Variants in XKR4 observed in about 807,000 individuals in gnomAD.
XKR4 encodes the protein XK-related protein 4.
In XKR4, 12 loss-of-function variants were observed where a neutral mutation model predicts 53.9. That is an observed-to-expected ratio of 0.22 (90% confidence interval 0.14 to 0.36). The LOEUF is 0.36. Among genes scored for constraint, XKR4 ranks in the 10% least tolerant of loss-of-function variants. The pLI, the probability that XKR4 is intolerant of heterozygous loss-of-function variation, is 1.00. For missense variants in XKR4, 799 were observed against 859.5 expected, an observed-to-expected ratio of 0.93 and a Z score of 0.88; for synonymous variants, 354 against 362.4, an observed-to-expected ratio of 0.98 and a Z score of 0.26.
At chr8:55,430,215 T>C (rs1307112392) in intron 2 of XKR4, among the ~76,000 whole-genome samples, 3 of 152,190 alleles carry the variant, frequency 2.0e-5, no homozygotes, top group Non-Finnish European at 2.9e-5. Flanking sequence ...TTAAAAATGA[T>C]ATAGCCACTC....
intron 2 of XKR4, among the ~76,000 whole-genome samples, chr8:55,443,080 A>G (rs565616474): frequency 4.9e-4 from 74 of 152,348 alleles, no homozygotes; most frequent in Middle Eastern, 3.4e-3. Context: ...ATAAACTTTA[A>G]CAGACTTTTT....
At chr8:55,113,450 C>A (rs1195591429) in intron 1 of XKR4, among the ~76,000 whole-genome samples, 1 of 152,176 alleles carries the variant, frequency 6.6e-6, no homozygotes, top group East Asian at 1.9e-4. Flanking sequence ...TACATCACAG[C>A]TAAGCTTAAA....
intron 2 of XKR4, among the ~76,000 whole-genome samples, chr8:55,488,080 G>A (rs574874000): frequency 7.6e-4 from 115 of 152,256 alleles, no homozygotes; most frequent in African/African-American, 2.5e-3. Context: ...TTCAACATAC[G>A]GGATTATGGC....
chr8:55,360,834 ACT>A (rs778921761), intron 2 of XKR4, among the ~76,000 whole-genome samples: 1 of 152,236 alleles, frequency 6.6e-6, no homozygotes, highest in Non-Finnish European at 1.5e-5. Flanking sequence ...GCCCTAGAAC[ACT>A]GTCAGCTGCT....
At chr8:55,453,122 A>G in intron 2 of XKR4, 1 of 534,962 alleles carries the variant, frequency 1.9e-6, no homozygotes, top group South Asian at 1.5e-5. Context: ...TGCATGTCCC[A>G]GTAGAACACG....
rs116730161 is a variant in XKR4 at position 55,392,523 on chromosome 8, G to T, written c.1006+34646G>T. Among the ~76,000 whole-genome samples, 1,286 of 152,336 alleles carry T rather than the reference G, an allele frequency of 8.4e-3. 19 individuals are homozygous for T. Among genetic ancestry groups the T allele is most frequent in the African/African-American group, 0.029 (1,200 of 41,574 alleles). On this transcript the variant is annotated intron_variant, in intron 2 of 2. Coordinates refer to ENST00000327381, the MANE Select transcript of XKR4 (RefSeq NM_052898.2). ...AAATTAAAAGAGGCCGAGCATGGTGGTTCACGCCTATAATCCCAGCACTTT... is the reference window on the plus strand; with the variant it reads ...AAATTAAAAGAGGCCGAGCATGGTGTTTCACGCCTATAATCCCAGCACTTT...
intron 2 of XKR4, among the ~76,000 whole-genome samples, chr8:55,417,859 C>A (rs1295002377): frequency 6.6e-6 from 1 of 152,074 alleles, no homozygotes; most frequent in Non-Finnish European, 1.5e-5. Flanking sequence ...AAGGCAGATG[C>A]TGAATGGAAT....
intron 1 of XKR4, among the ~76,000 whole-genome samples, chr8:55,345,675 T>C (rs1272461945): frequency 1.3e-5 from 2 of 152,228 alleles, no homozygotes; most frequent in African/African-American, 4.8e-5. Context: ...CTTTTCCTGC[T>C]GTGAATGTTC....
intron 1 of XKR4, among the ~76,000 whole-genome samples, chr8:55,123,697 G>A (rs550239458): frequency 2.0e-5 from 3 of 152,238 alleles, no homozygotes; most frequent in South Asian, 4.2e-4. Flanking sequence ...AAGCAGCCTC[G>A]GACACGTGCC....
rs1426544518 is a variant in XKR4 at position 55,311,778 on chromosome 8, AAGAAAAGTCATAT to A, written c.807-45895_807-45883del. Among the ~76,000 whole-genome samples, 5 of 151,002 alleles carry A rather than the reference AAGAAAAGTCATAT, an allele frequency of 3.3e-5. No homozygotes were observed. In the South Asian group the frequency reaches 1.0e-3, roughly 32 times the overall value. ...ATTTCCTTTGCATGCTGGAAGGTAAAAGAAAAGTCATATAGAACCTAAAATAACTGAAACTGTC... is the reference window on the plus strand; with the variant it reads ...ATTTCCTTTGCATGCTGGAAGGTAAAAGAACCTAAAATAACTGAAACTGTC... On this transcript the variant is annotated intron_variant, in intron 1 of 2. Transcript: ENST00000327381.
At chr8:55,298,248 A>C (rs1018424404) in intron 1 of XKR4, among the ~76,000 whole-genome samples, 3 of 152,204 alleles carry the variant, frequency 2.0e-5, no homozygotes, top group Admixed American at 6.6e-5. Context: ...GTAAAAACTT[A>C]CAGAAAAATT....
At chr8:55,480,078 G>A (rs746600953) in intron 2 of XKR4, among the ~76,000 whole-genome samples, 11 of 152,192 alleles carry the variant, frequency 7.2e-5, no homozygotes, top group Non-Finnish European at 1.5e-4. Context: ...TGATACCAAA[G>A]CCTGGCAGAG....
chr8:55,490,863 A>G (rs1162748790), intron 2 of XKR4, among the ~76,000 whole-genome samples: 4 of 151,998 alleles, frequency 2.6e-5, no homozygotes, highest in African/African-American at 9.7e-5. Flanking sequence ...GTTTGTTGAG[A>G]ACCTTGGTTT....
chr8:55,382,636 G>T (rs539996467), intron 2 of XKR4, among the ~76,000 whole-genome samples: 4 of 152,142 alleles, frequency 2.6e-5, no homozygotes, highest in Non-Finnish European at 5.9e-5. Flanking sequence ...AGCATCTTAA[G>T]GGGGGGAAAT....
intron 1 of XKR4, among the ~76,000 whole-genome samples, chr8:55,253,117 G>A (rs757120381): frequency 3.7e-4 from 56 of 152,228 alleles, no homozygotes; most frequent in Middle Eastern, 3.4e-3. Flanking sequence ...GAAGAGTTTT[G>A]TATGTAGAAA....
intron 2 of XKR4, chr8:55,449,958 G>T: frequency 1.2e-6 from 1 of 844,760 alleles, no homozygotes; most frequent in Non-Finnish European, 2.0e-6. Context: ...GGCTCAAGGT[G>T]GAGCCCACGG....
At chr8:55,481,512 A>G (rs1474130837) in intron 2 of XKR4, among the ~76,000 whole-genome samples, 4 of 152,336 alleles carry the variant, frequency 2.6e-5, no homozygotes, top group Admixed American at 6.5e-5. Context: ...TAAAACATCA[A>G]AAGCAATGGC....
rs188485865 is a variant in XKR4 at position 55,526,701 on chromosome 8, G to C, written c.*2474G>C. The C allele has an allele frequency of 2.1e-4, 32 of 152,248 alleles. No homozygotes were observed. The highest frequency in any genetic ancestry group is 6.3e-4 in the African/African-American group (26 of 41,538). The allele number at this position is 152,248 out of a possible 1,614,324, so 9.4% of individuals were successfully genotyped here. ...GTAAATCACAGATTACAGTCTAATA[G>C]AGTCAATCAATCAACACAAACCCAA... On this transcript the variant is annotated 3_prime_UTR_variant, in exon 3 of 3. Coordinates refer to ENST00000327381, the MANE Select transcript of XKR4 (RefSeq NM_052898.2).
intron 1 of XKR4, among the ~76,000 whole-genome samples, chr8:55,158,101 C>A (rs1458959733): frequency 1.3e-5 from 2 of 152,168 alleles, no homozygotes; most frequent in African/African-American, 4.8e-5. Flanking sequence ...CAACTGCTCT[C>A]CACAATGGCT....
Sources: gnomAD v4.1 joint callset for allele counts (sites outside exome capture counted in the v4.1 genomes callset) on GRCh38, gnomAD v4.1.1 for gene constraint, MANE v1.5 for transcripts, NCBI Gene and HGNC (gene_info 2026-07-23, HGNC 2026-07-21) for gene names.